Variants in PDE10A observed in about 807,000 individuals in gnomAD.
PDE10A encodes cAMP and cAMP-inhibited cGMP 3',5'-cyclic phosphodiesterase 10A.
PDE10A carries 39 observed loss-of-function variants against 97.7 expected under a neutral mutation model. The ratio of observed to expected loss-of-function variants is 0.40; its 90% confidence interval spans 0.31 to 0.52. PDE10A has a LOEUF of 0.52. Among genes scored for constraint, PDE10A ranks in the 20% least tolerant of loss-of-function variants. PDE10A has a pLI of 0.56. For synonymous variants in PDE10A, 371 were observed against 376.8 expected (o/e 0.98, Z 0.18); for missense variants, 731 against 1,047.8 (o/e 0.70, Z 4.17).
intron 1 of PDE10A, among the ~76,000 whole-genome samples, chr6:165,546,937 G>A (rs150700967): frequency 2.5e-4 from 38 of 151,980 alleles, no homozygotes; most frequent in African/African-American, 8.5e-4. Flanking sequence ...ACAATATCCC[G>A]GTATAATTGC....
At chr6:165,867,136 T>A (rs1781077031) in intron 1 of PDE10A, among the ~76,000 whole-genome samples, 1 of 146,792 alleles carries the variant, frequency 6.8e-6, no homozygotes. Flanking sequence ...AATCAGAAAA[T>A]AATTAAGAAA....
chr6:165,439,464 C>T (rs567410321), intron 5 of PDE10A, among the ~76,000 whole-genome samples: 5 of 152,276 alleles, frequency 3.3e-5, no homozygotes, highest in East Asian at 3.9e-4. Context: ...GATATCTACT[C>T]GACCAAAGGC....
intron 1 of PDE10A, among the ~76,000 whole-genome samples, chr6:165,943,210 A>AAGGAAGGAAGGAAGGAAG (rs1783606918): frequency 2.3e-5 from 2 of 88,568 alleles, no homozygotes; most frequent in Non-Finnish European, 4.5e-5. Flanking sequence ...AAAGAAAGAA[A>AAGGAAGGAAGGAAGGAAG]GAAAGAAAGA....
At chr6:165,474,383 G>A (rs1779178001) in intron 3 of PDE10A, among the ~76,000 whole-genome samples, 1 of 152,182 alleles carries the variant, frequency 6.6e-6, no homozygotes, top group Admixed American at 6.5e-5. Context: ...ATAGCAGGGA[G>A]ACACTCCTGT....
chr6:165,926,662 G>A (rs943294238), intron 1 of PDE10A, among the ~76,000 whole-genome samples: 5 of 152,122 alleles, frequency 3.3e-5, no homozygotes, highest in Non-Finnish European at 5.9e-5. Context: ...CATCCAACCC[G>A]AGAAAAATCA....
At chr6:165,557,199 T>C (rs1382555386) in intron 1 of PDE10A, among the ~76,000 whole-genome samples, 1 of 152,082 alleles carries the variant, frequency 6.6e-6, no homozygotes, top group African/African-American at 2.4e-5. Context: ...TCCACTGTCT[T>C]GAGAGAGATT....
chr6:165,867,612 A>C (rs1186663651), intron 1 of PDE10A, among the ~76,000 whole-genome samples: 1 of 152,074 alleles, frequency 6.6e-6, no homozygotes, highest in African/African-American at 2.4e-5. Flanking sequence ...AGCACTTGAC[A>C]TAACACCTAG....
intron 2 of PDE10A, among the ~76,000 whole-genome samples, chr6:165,487,290 C>T (rs911922088): frequency 7.2e-5 from 11 of 152,060 alleles, no homozygotes; most frequent in African/African-American, 1.2e-4. Context: ...GCAGTGACAG[C>T]GACTAAAATG....
intron 1 of PDE10A, among the ~76,000 whole-genome samples, chr6:165,881,973 T>C (rs3002705): frequency 0.77 from 117,038 of 152,140 alleles, 45,254 homozygotes; most frequent in East Asian, 0.96. Flanking sequence ...ATTCACGTGA[T>C]CTGCTGCCTG....
chr6:165,745,116 C>A (rs1179542787), intron 1 of PDE10A, among the ~76,000 whole-genome samples: 1 of 152,148 alleles, frequency 6.6e-6, no homozygotes, highest in South Asian at 2.1e-4. Context: ...CAAATTCAAG[C>A]ATTTTTACAA....
At chr6:165,677,878 G>C (rs987391794) in intron 1 of PDE10A, among the ~76,000 whole-genome samples, 1 of 151,976 alleles carries the variant, frequency 6.6e-6, no homozygotes, top group South Asian at 2.1e-4. Context: ...GTTTGTGTTT[G>C]AGTGTATATG....
At chr6:165,812,433 G>GAA (rs34436194) in intron 1 of PDE10A, among the ~76,000 whole-genome samples, 12 of 150,098 alleles carry the variant, frequency 8.0e-5, no homozygotes, top group Admixed American at 1.3e-4. Context: ...CTTGGAGGCA[G>GAA]AAAAAAAAAA....
chr6:165,432,955 C>A lies in PDE10A; in HGVS notation c.1491+19G>T, dbSNP rs373311364. ...AGGTACAACTAAAAATTCTAACATG[C>A]AGCATTTAAAGGCCTTACCTCCTGG... On this transcript the variant is annotated intron_variant, in intron 7 of 21. Transcript: ENST00000539869. 7 of 1,604,312 alleles carry A rather than the reference C, an allele frequency of 4.4e-6. No homozygotes were observed. Among genetic ancestry groups the A allele is most frequent in the Non-Finnish European group, 5.1e-6 (6 of 1,173,490 alleles).
At chr6:165,363,300 A>G (rs985533245) in intron 18 of PDE10A, among the ~76,000 whole-genome samples, 1 of 152,120 alleles carries the variant, frequency 6.6e-6, no homozygotes, top group East Asian at 1.9e-4. Flanking sequence ...GTAAACCATG[A>G]GGTCAGGAGT....
At chr6:165,399,521 T>A (rs1381688759) in intron 13 of PDE10A, among the ~76,000 whole-genome samples, 1 of 152,204 alleles carries the variant, frequency 6.6e-6, no homozygotes, top group Non-Finnish European at 1.5e-5. Context: ...CATGTTGGTG[T>A]GCTGCACCCA....
intron 1 of PDE10A, among the ~76,000 whole-genome samples, chr6:165,804,536 G>A (rs548882290): frequency 6.6e-5 from 10 of 152,138 alleles, no homozygotes; most frequent in Non-Finnish European, 1.0e-4. Flanking sequence ...CCACAGAAAC[G>A]AGGCCAGGAA....
chr6:165,418,924 A>T lies in PDE10A; in HGVS notation c.1654-147T>A, dbSNP rs1583245954. 3.2e-6 allele frequency: 2 copies of T among 617,694 alleles called. No individual in the cohort carries two copies. Among genetic ancestry groups the T allele is most frequent in the Middle Eastern group, 8.8e-4 (2 of 2,270 alleles). 38.3% of individuals were successfully genotyped at this position (617,694 alleles called of 1,614,324 possible). A position where few individuals can be genotyped will look rare whatever the true frequency, so the allele number is the denominator to read the frequency against. On this transcript the variant is annotated intron_variant, in intron 10 of 21. Coordinates refer to ENST00000539869, the MANE Select transcript of PDE10A (RefSeq NM_001385079.1). The surrounding 1 kb of genome is among the most constrained non-coding windows in gnomAD (Gnocchi z 4.8). ...ATTATAAGTAAATAAATATACAAGT[A>T]TATAAATATTTCATATATATGATAT...
intron 1 of PDE10A, among the ~76,000 whole-genome samples, chr6:165,778,650 G>C (rs559651702): frequency 7.9e-5 from 12 of 152,302 alleles, no homozygotes; most frequent in African/African-American, 2.9e-4. Flanking sequence ...CTCCAAAGCT[G>C]CTGAGGCAAT....
At position 165,332,995 on chromosome 6, in the gene PDE10A, G is replaced by A; in HGVS notation, c.*30C>T. 8.3e-7 allele frequency: 1 copy of A among 1,204,616 alleles called. No individual in the cohort carries two copies. The highest frequency in any genetic ancestry group is 1.2e-6 in the Non-Finnish European group (1 of 808,146). The allele number at this position is 1,204,616 out of a possible 1,614,324, so 74.6% of individuals were successfully genotyped here. A position where few individuals can be genotyped will look rare whatever the true frequency, so the allele number is the denominator to read the frequency against. The stretch of plus-strand genomic sequence containing the variant: ...CAAAGAAGCAAGATGAGGATCTGTA[G>A]GTGGGACAGCGTGTCAGGGTGACCA... On this transcript the variant is annotated 3_prime_UTR_variant, in exon 22 of 22. Transcript: ENST00000539869.
Sources: gnomAD v4.1 joint callset for allele counts (sites outside exome capture counted in the v4.1 genomes callset) on GRCh38, gnomAD v4.1.1 for gene constraint, Gnocchi (gnomAD v3.1) non-coding constraint, MANE v1.5 for transcripts, NCBI Gene and HGNC (gene_info 2026-07-23, HGNC 2026-07-21) for gene names.